The following GNB1 variants were observed in gnomAD, a reference collection of about 807,000 sequenced individuals.
The protein encoded by GNB1 is guanine nucleotide-binding protein G(I)/G(S)/G(T) subunit beta-1.
In GNB1, 2 loss-of-function variants were observed where a neutral mutation model predicts 42.9. That is an observed-to-expected ratio of 0.05 (90% CI 0.02 to 0.15). The LOEUF (loss-of-function observed/expected upper bound fraction) is 0.15. GNB1 is among the 10% of genes least tolerant of loss of function. The pLI is 1.00. For synonymous variants in GNB1, 183 were observed against 174.7 expected (o/e 1.05, Z -0.38); for missense variants, 193 against 462.2 (o/e 0.42, Z 5.34).
chr1:1,824,601 C>G (rs1646972897), intron 3 of GNB1, among the ~76,000 whole-genome samples: 1 of 151,612 alleles, frequency 6.6e-6, no homozygotes, highest in Admixed American at 6.6e-5. Flanking sequence ...TTTTCAGGGT[C>G]TCACTCTGAC....
At chr1:1,789,373 G>C in intron 9 of GNB1, 104 bp from the exon 10 acceptor site, 1 of 692,370 alleles carries the variant, frequency 1.4e-6, no homozygotes. Context: ...AGCAGGCAAA[G>C]ACCAGCAAGA....
intron 1 of GNB1, among the ~76,000 whole-genome samples, chr1:1,887,803 C>T (rs1321979535): frequency 6.6e-6 from 1 of 152,100 alleles, no homozygotes; most frequent in African/African-American, 2.4e-5. Context: ...TTAGTAGATA[C>T]GAGGTTTCGC....
intron 1 of GNB1, among the ~76,000 whole-genome samples, chr1:1,846,732 TGTTTCTTTA>T (rs1024172974): frequency 2.6e-5 from 4 of 152,136 alleles, no homozygotes; most frequent in African/African-American, 9.7e-5. Flanking sequence ...CTAAATTTTT[TGTTTCTTTA>T]TGGAGAGAGG....
At chr1:1,815,246 C>A (rs908088677) in intron 5 of GNB1, among the ~76,000 whole-genome samples, 1 of 152,170 alleles carries the variant, frequency 6.6e-6, no homozygotes, top group Non-Finnish European at 1.5e-5. Context: ...GCTCACAGCG[C>A]ATTCCCGTGT....
At chr1:1,876,511 G>C (rs1227655181) in intron 1 of GNB1, among the ~76,000 whole-genome samples, 3 of 151,858 alleles carry the variant, frequency 2.0e-5, no homozygotes, top group Non-Finnish European at 4.4e-5. Flanking sequence ...GAGAGAGAGA[G>C]AGAGCGAGCG....
intron 4 of GNB1, 128 bp from the exon 5 acceptor site, chr1:1,815,990 C>T: frequency 3.0e-6 from 2 of 664,184 alleles, no homozygotes; most frequent in South Asian, 3.5e-5. Flanking sequence ...CACAGTTCTC[C>T]AGTGGCTTCC....
intron 3 of GNB1, among the ~76,000 whole-genome samples, chr1:1,823,845 AAAAT>A (rs1646963826): frequency 6.6e-6 from 1 of 152,196 alleles, no homozygotes; most frequent in African/African-American, 2.4e-5. Flanking sequence ...TGGAGTCAGA[AAAAT>A]AAACTGTTGT....
chr1:1,876,950 C>T (rs1289869090), intron 1 of GNB1, among the ~76,000 whole-genome samples: 1 of 152,050 alleles, frequency 6.6e-6, no homozygotes, highest in Non-Finnish European at 1.5e-5. Flanking sequence ...CTCATGTTTT[C>T]CAAGATGAAT....
At chr1:1,839,416 G>A (rs1473055053) in intron 1 of GNB1, among the ~76,000 whole-genome samples, 178 bp from the exon 2 acceptor site, 1 of 152,028 alleles carries the variant, frequency 6.6e-6, no homozygotes, top group Non-Finnish European at 1.5e-5. Context: ...TTCAGCATGG[G>A]AACAAAATAA....
chr1:1,811,050 T>C (rs188347668), intron 5 of GNB1, among the ~76,000 whole-genome samples: 74 of 149,528 alleles, frequency 4.9e-4, no homozygotes, highest in African/African-American at 1.7e-3. Context: ...GCAATGCGCA[T>C]GTTTGTGGGT....
chr1:1,852,038 C>T (rs1388558613), intron 1 of GNB1, among the ~76,000 whole-genome samples: 1 of 151,172 alleles, frequency 6.6e-6, no homozygotes, highest in African/African-American at 2.4e-5. Context: ...AGCGAAACTC[C>T]GTCTCAAAAA....
chr1:1,857,984 C>T (rs1055207010), intron 1 of GNB1, among the ~76,000 whole-genome samples: 5 of 152,188 alleles, frequency 3.3e-5, no homozygotes, highest in East Asian at 1.9e-4. Flanking sequence ...GACAAGGCCA[C>T]GGGTACAGGG....
intron 8 of GNB1, 61 bp downstream of exon 8, chr1:1,793,184 G>A (rs1338939802): frequency 3.0e-5 from 30 of 984,680 alleles, no homozygotes; most frequent in Non-Finnish European, 4.8e-6. Flanking sequence ...CATGTTCACA[G>A]AGGAATGTGC....
At chr1:1,806,646 C>T in intron 5 of GNB1, 108 bp from the exon 6 acceptor site, 1 of 664,188 alleles carries the variant, frequency 1.5e-6, no homozygotes, top group East Asian at 2.7e-5. Context: ...TCCCATGTTA[C>T]ATGTGCTTCA....
intron 2 of GNB1, among the ~76,000 whole-genome samples, chr1:1,832,670 T>A (rs1045791888): frequency 4.6e-5 from 7 of 152,162 alleles, no homozygotes; most frequent in Non-Finnish European, 8.8e-5. Context: ...AGGCCTCTCA[T>A]CCAGACCCCT....
intron 5 of GNB1, among the ~76,000 whole-genome samples, chr1:1,807,792 C>A (rs554697921): frequency 3.5e-4 from 53 of 151,932 alleles, no homozygotes; most frequent in Middle Eastern, 6.8e-3. Flanking sequence ...ACTGCAAGCT[C>A]CGCCTCCGGG....
Position 1,878,758 on chromosome 1 carries a change from C to T in GNB1, c.-96+12062G>A, listed in dbSNP as rs561853965. Among the ~76,000 whole-genome samples, 5 of 152,278 alleles carry T rather than the reference C, an allele frequency of 3.3e-5. No homozygotes were observed. The South Asian group carries it at 8.3e-4, about 25-fold the overall frequency. On this transcript the variant is annotated intron_variant, in intron 1 of 11. Transcript: ENST00000378609. ...TCTCTCCTCTCTTCCCCTTTATGGG[C>T]GCTGCCCTCTCAGTATTCCCATCTA...
chr1:1,889,711 C>G (rs187940735), intron 1 of GNB1, among the ~76,000 whole-genome samples: 157 of 150,112 alleles, frequency 1.0e-3, no homozygotes, highest in Non-Finnish European at 2.0e-3. Flanking sequence ...CAAACAAAAG[C>G]TGATACTGCT....
chr1:1,856,570 G>A (rs569538485), intron 1 of GNB1, among the ~76,000 whole-genome samples: 1 of 152,330 alleles, frequency 6.6e-6, no homozygotes, highest in African/African-American at 2.4e-5. Context: ...TGGGACTACA[G>A]GCACGCGCTA....
Sources: allele counts gnomAD v4.1 joint callset (sites outside exome capture counted in the v4.1 genomes callset), GRCh38; gene constraint gnomAD v4.1.1; transcripts MANE v1.5; gene names NCBI Gene and HGNC (gene_info 2026-07-23, HGNC 2026-07-21).